Variants in CDK5RAP2 observed in about 807,000 individuals in gnomAD.
CDK5RAP2 encodes CDK5 regulatory subunit associated protein 2.
CDK5RAP2 carries 147 observed loss-of-function variants against 232.9 expected under a neutral mutation model. The ratio of observed to expected loss-of-function variants is 0.63; its 90% CI spans 0.55 to 0.72. The LOEUF (loss-of-function observed/expected upper bound fraction) is 0.72. Ranked by LOEUF, CDK5RAP2 falls within the 30% of genes least tolerant of loss-of-function variation. The pLI, the probability that CDK5RAP2 is intolerant of heterozygous loss-of-function variation, is 0.00. For synonymous variants in CDK5RAP2, 833 were observed against 833.7 expected, an observed-to-expected ratio of 1.00 and a Z score of 0.01; for missense variants, 2,195 against 2,231.5, an observed-to-expected ratio of 0.98 and a Z score of 0.33.
At chr9:120,526,728 C>T (rs892192849) in intron 10 of CDK5RAP2, among the ~76,000 whole-genome samples, 7 of 152,126 alleles carry the variant, frequency 4.6e-5, no homozygotes, top group African/African-American at 1.7e-4. Context: ...TTCCCCAACC[C>T]CCACCGGCTG....
intron 20 of CDK5RAP2, among the ~76,000 whole-genome samples, chr9:120,456,127 T>C (rs553498379): frequency 6.6e-6 from 1 of 151,742 alleles, no homozygotes; most frequent in Non-Finnish European, 1.5e-5. Context: ...GGACAGAAAA[T>C]TATGGGAAAA....
rs1259645197 is a variant in CDK5RAP2, at chr9:120,563,343, C to T, written c.195+4978G>A. Among the ~76,000 whole-genome samples, 5 of 152,220 alleles carry T rather than the reference C, an allele frequency of 3.3e-5. No homozygotes were observed. In the East Asian group the frequency reaches 5.8e-4, roughly 18 times the overall value. On this transcript the variant is annotated intron_variant, in intron 3 of 37. Coordinates refer to ENST00000349780, the MANE Select transcript of CDK5RAP2 (RefSeq NM_018249.6). ...TGAGTTCAGAAAGACAGGAAGCTGTCGATCACACAGGACGGGTTCTCATGG... is the reference window on the plus strand; with the variant it reads ...TGAGTTCAGAAAGACAGGAAGCTGTTGATCACACAGGACGGGTTCTCATGG...
chr9:120,407,489 A>G lies in CDK5RAP2; in HGVS notation c.4727-241T>C, dbSNP rs2131299627. The G allele has an allele frequency of 5.4e-6, 3 of 557,364 alleles. No homozygotes were observed. In the Middle Eastern group the frequency reaches 1.5e-3, roughly 271 times the overall value. 34.5% of individuals were successfully genotyped at this position (557,364 alleles called of 1,614,324 possible). A position where few individuals can be genotyped will look rare whatever the true frequency, so the allele number is the denominator to read the frequency against. ...TTTTCGCTTCTGGCCATAAAAGCCTAGCAAATTGCACACCAAACCCCGAAA... is the reference window on the plus strand; with the variant it reads ...TTTTCGCTTCTGGCCATAAAAGCCTGGCAAATTGCACACCAAACCCCGAAA... On this transcript the variant is annotated intron_variant, in intron 31 of 37. Transcript: ENST00000349780.
intron 13 of CDK5RAP2, among the ~76,000 whole-genome samples, chr9:120,488,424 G>GT (rs1428742423): frequency 1.3e-5 from 2 of 152,088 alleles, no homozygotes; most frequent in African/African-American, 4.8e-5. Flanking sequence ...GATATACATA[G>GT]TTTAACAGTC....
At chr9:120,566,318 C>T (rs765864252) in intron 3 of CDK5RAP2, among the ~76,000 whole-genome samples, 10 of 152,150 alleles carry the variant, frequency 6.6e-5, no homozygotes, top group Non-Finnish European at 1.3e-4. Flanking sequence ...ATTCCGGCTG[C>T]AGAATTTGCT....
rs74648144 is a variant in CDK5RAP2 at position 120,424,227 on chromosome 9, C to G, written c.3956-1486G>C. On this transcript the variant is annotated intron_variant, in intron 25 of 37. Transcript: ENST00000349780. ...TACTTTACTACATTTTATAGTTAAGCAAGACAGATGGAGATATCCTTATAG... is the reference window on the plus strand; with the variant it reads ...TACTTTACTACATTTTATAGTTAAGGAAGACAGATGGAGATATCCTTATAG... Among the ~76,000 whole-genome samples, 1,054 of 152,344 alleles carry G rather than the reference C, an allele frequency of 6.9e-3. 28 individuals are homozygous for G. In the East Asian group the frequency reaches 0.096, roughly 14 times the overall value.
chr9:120,408,496 G>T (rs2033634770), intron 30 of CDK5RAP2, 28 bp from the exon 31 acceptor site: 2 of 1,613,618 alleles, frequency 1.2e-6, no homozygotes, highest in African/African-American at 2.7e-5. Flanking sequence ...GCATGAGAAG[G>T]ACAGGTTAAT....
intron 21 of CDK5RAP2, among the ~76,000 whole-genome samples, chr9:120,451,232 T>G (rs183533811): frequency 1.3e-5 from 2 of 152,338 alleles, no homozygotes; most frequent in African/African-American, 4.8e-5. Context: ...ATTGAAGATG[T>G]CACATTGGAA....
At position 120,536,430 on chromosome 9, in the gene CDK5RAP2, T is replaced by A. The variant is rs745982701; in HGVS notation, c.604A>T (p.Met202Leu). ...RLRLESKLSE[M>L]KKMHEGDLAM... ...AAGTCCCCCTCGTGCATCTTCTTCATCTCTGAAAGCTTGCTTTCCAAACGC... is the reference window on the plus strand; with the variant it reads ...AAGTCCCCCTCGTGCATCTTCTTCAACTCTGAAAGCTTGCTTTCCAAACGC... The change falls in exon 7 of 38, where the codon ATG (methionine) becomes TTG (leucine). Residue 202 changes from methionine (M) to leucine (L), a missense_variant. Transcript: ENST00000349780. 1 of 1,614,212 alleles carries A rather than the reference T, an allele frequency of 6.2e-7. No homozygotes were observed. The highest frequency in any genetic ancestry group is 2.2e-5 in the East Asian group (1 of 44,886).
At chr9:120,579,893 C>T (rs1244463368) in intron 1 of CDK5RAP2, 27 bp downstream of exon 1, 13 of 1,601,440 alleles carry the variant, frequency 8.1e-6, no homozygotes, top group Non-Finnish European at 1.0e-5. Context: ...GGCCCGGTTA[C>T]CACGACCACC....
intron 12 of CDK5RAP2, among the ~76,000 whole-genome samples, chr9:120,507,378 C>T (rs1026906119): frequency 3.3e-5 from 5 of 152,144 alleles, no homozygotes; most frequent in African/African-American, 1.2e-4. Flanking sequence ...AGACTTCAAG[C>T]AACTTAACCA....
At chr9:120,577,013 C>T (rs552969124) in intron 1 of CDK5RAP2, among the ~76,000 whole-genome samples, 33 of 152,278 alleles carry the variant, frequency 2.2e-4, no homozygotes, top group African/African-American at 7.7e-4. Context: ...AAACCAGTCA[C>T]AGAAGGACAA....
Position 120,437,105 on chromosome 9 carries a change from G to A in CDK5RAP2, c.3955+190C>T, listed in dbSNP as rs1206878102. On this transcript the variant is annotated intron_variant, in intron 25 of 37. Coordinates refer to ENST00000349780, the MANE Select transcript of CDK5RAP2 (RefSeq NM_018249.6). ...TAAACTGGACTCCTGGTTTGTAACA[G>A]TGCCGACCACAAGCCATGTGGAAGT... 1.3e-5 allele frequency among the ~76,000 whole-genome samples: 2 copies of A among 152,088 alleles called. 1 individual carries two copies. The highest frequency in any genetic ancestry group is 4.1e-4 in the South Asian group (2 of 4,826).
chr9:120,545,268 C>T (rs1258843163), intron 5 of CDK5RAP2, among the ~76,000 whole-genome samples: 2 of 152,154 alleles, frequency 1.3e-5, no homozygotes. Context: ...CAACATAGAT[C>T]AATCTCACAA....
chr9:120,560,586 A>T (rs2042426474), intron 3 of CDK5RAP2, among the ~76,000 whole-genome samples: 2 of 152,174 alleles, frequency 1.3e-5, no homozygotes, highest in African/African-American at 4.8e-5. Flanking sequence ...CATCTAGGGA[A>T]GTATTCTGGT....
chr9:120,453,906 C>A, intron 20 of CDK5RAP2, 33 bp from the exon 21 acceptor site: 5 of 1,610,172 alleles, frequency 3.1e-6, no homozygotes, highest in Non-Finnish European at 4.2e-6. Flanking sequence ...AGTGGGAGAA[C>A]CAAGCTTTCT....
At chr9:120,421,414 A>G (rs879915688) in intron 26 of CDK5RAP2, among the ~76,000 whole-genome samples, 8 of 152,200 alleles carry the variant, frequency 5.3e-5, no homozygotes, top group Non-Finnish European at 8.8e-5. Context: ...ATGGGAGAAG[A>G]GTATTTCTTT....
intron 6 of CDK5RAP2, among the ~76,000 whole-genome samples, chr9:120,538,393 A>T: frequency 6.6e-6 from 1 of 152,216 alleles, no homozygotes; most frequent in African/African-American, 2.4e-5. Flanking sequence ...CTAGCTTAAA[A>T]TAGATAAGGA....
chr9:120,491,410 C>T lies in CDK5RAP2; in HGVS notation c.1379G>A (p.Arg460His), dbSNP rs368292150. The change falls in exon 13 of 38, where the codon CGT becomes CAT. Residue 460 changes from arginine (R) to histidine (H), a missense_variant. Arg to His is a conservative substitution (Grantham distance 29). Coordinates refer to ENST00000349780, the MANE Select transcript of CDK5RAP2 (RefSeq NM_018249.6). ...GCTTTCACTCAGAAGACTCTTGTAA[C>T]GATTTTCCATTGCTTTCTCTCTTTC... ...VNEREKAMEN[R>H]YKSLLSESNK... 3.3e-5 allele frequency: 53 copies of T among 1,612,192 alleles called. No individual in the cohort carries two copies. The Middle Eastern group carries it at 8.3e-4, about 25-fold the overall frequency.
Sources: gnomAD v4.1 joint callset for allele counts (sites outside exome capture counted in the v4.1 genomes callset) on GRCh38, gnomAD v4.1.1 for gene constraint, MANE v1.5 for transcripts, NCBI Gene and HGNC (gene_info 2026-07-23, HGNC 2026-07-21) for gene names.